The following NTNG1 variants were observed in gnomAD, a reference collection of about 807,000 sequenced individuals.
NTNG1 encodes netrin G1, also known as netrin-G1.
A neutral mutation model predicts 54.0 loss-of-function variants in NTNG1; 16 were observed. That is an observed-to-expected ratio of 0.30 (90% CI 0.20 to 0.45). The LOEUF (loss-of-function observed/expected upper bound fraction) is 0.45. NTNG1 is among the 20% of genes least tolerant of loss of function. The pLI is 1.00. For synonymous variants in NTNG1, 255 were observed against 263.1 expected (o/e 0.97, Z 0.30); for missense variants, 530 against 678.7 (o/e 0.78, Z 2.43).
At chr1:107,180,753 GC>G (rs1236003186) in intron 2 of NTNG1, among the ~76,000 whole-genome samples, 34 of 152,036 alleles carry the variant, frequency 2.2e-4, no homozygotes, top group Non-Finnish European at 4.4e-4. Flanking sequence ...CAAAATTAAA[GC>G]TTAGGAGGAA....
chr1:107,388,114 T>A (rs1036235182), intron 3 of NTNG1, among the ~76,000 whole-genome samples: 2 of 152,192 alleles, frequency 1.3e-5, no homozygotes, highest in African/African-American at 4.8e-5. Context: ...TCTGTTTGAA[T>A]CCCTATGCGA....
intron 2 of NTNG1, among the ~76,000 whole-genome samples, chr1:107,256,539 G>A (rs971762149): frequency 3.9e-5 from 6 of 152,198 alleles, no homozygotes; most frequent in Admixed American, 6.5e-5. Flanking sequence ...CGAAGTTAGC[G>A]TAACAGAGCC....
At chr1:107,400,244 T>C (rs1337519508) in intron 4 of NTNG1, among the ~76,000 whole-genome samples, 1 of 152,172 alleles carries the variant, frequency 6.6e-6, no homozygotes, top group Admixed American at 6.6e-5. Context: ...CATTGAAGCC[T>C]ACCTAGACTC....
At chr1:107,231,140 C>T (rs907843833) in intron 2 of NTNG1, among the ~76,000 whole-genome samples, 15 of 152,230 alleles carry the variant, frequency 9.9e-5, no homozygotes, top group East Asian at 3.9e-4. Flanking sequence ...GCAGATTTTA[C>T]GCAGAGATGA....
At chr1:107,288,363 T>A (rs1665344549) in intron 2 of NTNG1, among the ~76,000 whole-genome samples, 1 of 152,080 alleles carries the variant, frequency 6.6e-6, no homozygotes, top group African/African-American at 2.4e-5. Flanking sequence ...GGACCTGAAG[T>A]ATAATGAAAA....
At chr1:107,235,806 T>G (rs1363466786) in intron 2 of NTNG1, among the ~76,000 whole-genome samples, 2 of 152,236 alleles carry the variant, frequency 1.3e-5, no homozygotes, top group African/African-American at 4.8e-5. Context: ...GGGAAGGATA[T>G]TGGGAGATGG....
intron 7 of NTNG1, among the ~76,000 whole-genome samples, chr1:107,462,714 T>C (rs1297629081): frequency 6.6e-6 from 1 of 152,232 alleles, no homozygotes; most frequent in African/African-American, 2.4e-5. Flanking sequence ...ATTTAAGAAG[T>C]TCTTACTGTT....
At chr1:107,411,974 C>G (rs903772735) in intron 5 of NTNG1, among the ~76,000 whole-genome samples, 1 of 152,174 alleles carries the variant, frequency 6.6e-6, no homozygotes, top group African/African-American at 2.4e-5. Flanking sequence ...GAAATAATCT[C>G]CTACTTAAAT....
intron 2 of NTNG1, among the ~76,000 whole-genome samples, chr1:107,265,251 G>C (rs3125683): frequency 0.97 from 147,880 of 152,134 alleles, 71,987 homozygotes; most frequent in Non-Finnish European, 1. Context: ...GGAAAGGAAT[G>C]TAGAAGTATC....
At chr1:107,449,850 C>G (rs1480259699) in intron 7 of NTNG1, among the ~76,000 whole-genome samples, 2 of 151,988 alleles carry the variant, frequency 1.3e-5, no homozygotes, top group Non-Finnish European at 2.9e-5. Context: ...CTTAAGCTAC[C>G]TTAATTTCCT....
chr1:107,161,254 G>A (rs1655376625), intron 2 of NTNG1, among the ~76,000 whole-genome samples: 1 of 152,038 alleles, frequency 6.6e-6, no homozygotes, highest in Non-Finnish European at 1.5e-5. Context: ...AGGTCTTTGG[G>A]GTATTGGCTG....
chr1:107,197,931 A>C lies in NTNG1; in HGVS notation c.246+49092A>C, dbSNP rs531689149. 2.0e-5 allele frequency among the ~76,000 whole-genome samples: 3 copies of C among 152,134 alleles called. No homozygotes were observed. In the South Asian group the frequency reaches 6.2e-4, roughly 32 times the overall value. ...TTAAATTGGGTCACTTAATGTGATT[A>C]TACAAAAATAATGATCCTATTCCCA... On this transcript the variant is annotated intron_variant, in intron 2 of 7. Coordinates refer to ENST00000370068, the MANE Select transcript of NTNG1 (RefSeq NM_001113226.3).
chr1:107,174,395 G>A (rs1237049568), intron 2 of NTNG1, among the ~76,000 whole-genome samples: 1 of 152,098 alleles, frequency 6.6e-6, no homozygotes, highest in Non-Finnish European at 1.5e-5. Context: ...TAAAATGTGT[G>A]TGTGTTTTTG....
intron 6 of NTNG1, among the ~76,000 whole-genome samples, chr1:107,432,352 A>G (rs928802278): frequency 5.3e-5 from 8 of 152,210 alleles, no homozygotes; most frequent in African/African-American, 1.9e-4. Flanking sequence ...AAAGTAAGGC[A>G]GATTGACCCA....
chr1:107,325,949 T>C (rs973228549), intron 3 of NTNG1, among the ~76,000 whole-genome samples: 1 of 152,088 alleles, frequency 6.6e-6, no homozygotes, highest in Admixed American at 6.6e-5. Flanking sequence ...TAAGGCAGGA[T>C]TGATTCAATT....
chr1:107,285,354 G>C (rs1051532808), intron 2 of NTNG1, among the ~76,000 whole-genome samples: 1 of 152,208 alleles, frequency 6.6e-6, no homozygotes, highest in East Asian at 1.9e-4. Flanking sequence ...AAAATGAACA[G>C]CTAAACAGCC....
intron 7 of NTNG1, among the ~76,000 whole-genome samples, chr1:107,479,585 A>AT (rs1678560827): frequency 6.6e-6 from 1 of 152,206 alleles, no homozygotes; most frequent in South Asian, 2.1e-4. Context: ...CTTAAGCAGC[A>AT]TATGTTGCTT....
At chr1:107,465,532 C>A (rs1384754670) in intron 7 of NTNG1, among the ~76,000 whole-genome samples, 1 of 152,184 alleles carries the variant, frequency 6.6e-6, no homozygotes, top group African/African-American at 2.4e-5. Context: ...TTATCTAGAT[C>A]ATCTGCCATA....
chr1:107,388,342 T>C (rs751202981), intron 3 of NTNG1, among the ~76,000 whole-genome samples: 17 of 152,216 alleles, frequency 1.1e-4, no homozygotes, highest in Non-Finnish European at 2.1e-4. Flanking sequence ...TTCTTGCCCT[T>C]GTTTTACAGA....
Sources: allele counts gnomAD v4.1 joint callset (sites outside exome capture counted in the v4.1 genomes callset), GRCh38; gene constraint gnomAD v4.1.1; transcripts MANE v1.5; gene names NCBI Gene and HGNC (gene_info 2026-07-23, HGNC 2026-07-21).